FBLIM1: variants seen among roughly 807,000 people sequenced by gnomAD.
The protein encoded by FBLIM1 is filamin-binding LIM protein 1.
Under a neutral mutation model 37.4 loss-of-function variants are expected in FBLIM1, and 29 were observed. That is an observed-to-expected ratio of 0.77 (90% CI 0.58 to 1.06). The LOEUF (loss-of-function observed/expected upper bound fraction) is 1.06, where lower values mean the gene tolerates loss of function less well. Ranked by LOEUF, FBLIM1 falls within the 50% of genes least tolerant of loss-of-function variation. FBLIM1 has a pLI of 0.00. For missense variants in FBLIM1, 449 were observed against 505.6 expected (o/e 0.89, Z 1.07); for synonymous variants, 193 against 199.0 (o/e 0.97, Z 0.25).
rs572929314 is a variant in FBLIM1, at chr1:15,764,342, G to A, written c.-210-154G>A. Among the ~76,000 whole-genome samples, 36 of 152,314 alleles carry A rather than the reference G, an allele frequency of 2.4e-4. No homozygotes were observed. In the South Asian group the frequency reaches 6.2e-3, roughly 26 times the overall value. On this transcript the variant is annotated intron_variant, in intron 1 of 8. Coordinates refer to ENST00000375766, the MANE Select transcript of FBLIM1 (RefSeq NM_017556.4). ...GTGTTTATGAGTTAATGAGCATAAC[G>A]TGTGAGTGTTTATGAGTTAATGAGT... is the stretch of plus-strand genomic sequence containing the variant.
In FBLIM1 at chr1:15,764,608, A is replaced by C; in HGVS notation, c.-98A>C. 1 of 205,942 alleles carries C rather than the reference A, an allele frequency of 4.9e-6. No individual in the cohort carries two copies. Among genetic ancestry groups the C allele is most frequent in the Non-Finnish European group, 9.6e-6 (1 of 103,794 alleles). The allele number at this position is 205,942 out of a possible 1,614,324, so 12.8% of individuals were successfully genotyped here. On this transcript the variant is annotated 5_prime_UTR_variant, in exon 2 of 9. Transcript: ENST00000375766. ...AGGCGGGACTCCAGACTGGGAACGG[A>C]AGTCAGCCCTGCTGGGGCTGGGAGC...
intron 6 of FBLIM1, among the ~76,000 whole-genome samples, chr1:15,773,213 C>T (rs1188981182): frequency 6.6e-6 from 1 of 152,012 alleles, no homozygotes; most frequent in East Asian, 1.9e-4. Context: ...TGGAAAAACC[C>T]TGTCTCTACT....
Position 15,774,655 on chromosome 1 carries a change from T to C in FBLIM1, c.749T>C (p.Val250Ala), listed in dbSNP as rs1040559501. 1 of 1,613,716 alleles carries C rather than the reference T, an allele frequency of 6.2e-7. No homozygotes were observed. Among genetic ancestry groups the C allele is most frequent in the African/African-American group, 1.3e-5 (1 of 74,858 alleles). Residue 250 changes from valine (V) to alanine (A), a missense_variant, in exon 7 of 9, where the codon GTC (valine) becomes GCC (alanine). Transcript: ENST00000375766. Reference protein sequence around the residue: ...LERCGKCGEVVRDHIIRALGQ... With the variant: ...LERCGKCGEVARDHIIRALGQ... ...AGGTGCGGCAAGTGTGGCGAGGTGG[T>C]CCGGGACCACATCATCAGGGCCCTG...
chr1:15,776,916 A>G (rs1452226319), intron 7 of FBLIM1: 2 of 406,364 alleles, frequency 4.9e-6, no homozygotes, highest in East Asian at 3.7e-5. Context: ...AAAAAGACAG[A>G]TGAGATGGGT....
intron 2 of FBLIM1, 98 bp from the exon 3 acceptor site, chr1:15,764,866 G>C (rs967262490): frequency 3.1e-5 from 43 of 1,396,008 alleles, no homozygotes; most frequent in Non-Finnish European, 6.8e-6. Context: ...TAGGGTGGCT[G>C]GCCTGTCTTT....
At chr1:15,761,107 G>A (rs991069882) in intron 1 of FBLIM1, among the ~76,000 whole-genome samples, 1 of 152,148 alleles carries the variant, frequency 6.6e-6, no homozygotes, top group African/African-American at 2.4e-5. Context: ...CCGGAGGAGT[G>A]TAGGAAGGGT....
chr1:15,784,577 C>G lies in FBLIM1; in HGVS notation c.1038C>G (p.Pro346=). The change falls in exon 9 of 9, where the codon CCC becomes CCG. Residue 346 remains proline (P), a synonymous_variant. Coordinates refer to ENST00000375766, the MANE Select transcript of FBLIM1 (RefSeq NM_017556.4). ...EDCRILLSVE[P]TDQGCYPLNN... ...GCAGGATCCTCCTGTCTGTCGAGCC[C>G]ACGGACCAAGGCTGCTACCCCCTGA... is the stretch of plus-strand genomic sequence containing the variant. 6.2e-7 allele frequency: 1 copy of G among 1,614,068 alleles called. No homozygotes were observed. Among genetic ancestry groups the G allele is most frequent in the Non-Finnish European group, 8.5e-7 (1 of 1,179,934 alleles).
intron 5 of FBLIM1, among the ~76,000 whole-genome samples, chr1:15,768,850 A>G (rs1261507375): frequency 1.3e-5 from 2 of 152,202 alleles, no homozygotes; most frequent in African/African-American, 4.8e-5. Flanking sequence ...GCAGTTTGCT[A>G]TGATAGCAAA....
intron 6 of FBLIM1, among the ~76,000 whole-genome samples, chr1:15,771,452 G>A (rs1382517842): frequency 6.6e-6 from 1 of 151,548 alleles, no homozygotes; most frequent in Non-Finnish European, 1.5e-5. Flanking sequence ...TCACCACTTT[G>A]GCCAGGCTGG....
At position 15,774,774 on chromosome 1, in the gene FBLIM1, T is replaced by A; in HGVS notation, c.868T>A (p.Tyr290Asn). 1 of 1,614,120 alleles carries A rather than the reference T, an allele frequency of 6.2e-7. No individual in the cohort carries two copies. Residue 290 changes from tyrosine (Y) to asparagine (N), a missense_variant, in exon 7 of 9, where the codon TAC becomes AAC. Coordinates refer to ENST00000375766, the MANE Select transcript of FBLIM1 (RefSeq NM_017556.4). ...SFALGSQNEVYCLDDFYRKFA... is the reference protein window; with the variant it reads ...SFALGSQNEVNCLDDFYRKFA... The stretch of plus-strand genomic sequence containing the variant: ...TGCCCTGGGCAGCCAGAACGAGGTG[T>A]ACTGCCTGGACGACTTCTACAGGTA...
chr1:15,767,779 T>C (rs930834404), intron 4 of FBLIM1, among the ~76,000 whole-genome samples: 2 of 152,158 alleles, frequency 1.3e-5, no homozygotes, highest in Admixed American at 1.3e-4. Flanking sequence ...GGGATGCCAC[T>C]GCCTCGCTGC....
At chr1:15,767,269 C>A (rs970584747) in intron 3 of FBLIM1, 107 bp from the exon 4 acceptor site, 14 of 1,028,496 alleles carry the variant, frequency 1.4e-5, no homozygotes, top group Non-Finnish European at 1.9e-5. Flanking sequence ...CCGGGGTGAT[C>A]CCGACCGGGG....
In FBLIM1 at chr1:15,766,766, T is replaced by C. The variant is rs542961452; in HGVS notation, c.251-610T>C. Among the ~76,000 whole-genome samples, 111 of 152,026 alleles carry C rather than the reference T, an allele frequency of 7.3e-4. 1 individual carries two copies. Among genetic ancestry groups the C allele is most frequent in the Non-Finnish European group, 1.2e-3 (80 of 67,994 alleles). On this transcript the variant is annotated intron_variant, in intron 3 of 8. Transcript: ENST00000375766. Reference sequence around the variant, plus strand: ...TGCCCACCACGCCCAGCTAATTTTGTGTTTTTCGTAGAGATGGGGTTTCTC... The same window carrying C: ...TGCCCACCACGCCCAGCTAATTTTGCGTTTTTCGTAGAGATGGGGTTTCTC...
At position 15,767,559 on chromosome 1, in the gene FBLIM1, C is replaced by A; in HGVS notation, c.434C>A (p.Pro145Gln). 1 of 1,210,372 alleles carries A rather than the reference C, an allele frequency of 8.3e-7. No homozygotes were observed. The highest frequency in any genetic ancestry group is 1.1e-6 in the Non-Finnish European group (1 of 889,328). 75.0% of individuals were successfully genotyped at this position (1,210,372 alleles called of 1,614,324 possible). A position where few individuals can be genotyped will look rare whatever the true frequency, so the allele number is the denominator to read the frequency against. ...CACCTGTCCCCGCCCCCGCCCCCAC[C>A]ACAGGTACTGCCTGCCCCCCGACCC... The part of the protein sequence containing the change: ...QLHLSPPPPP[P>Q]QAPAEGPSVQ... The change falls in exon 4 of 9, where the codon CCA (proline) becomes CAA (glutamine). Residue 145 changes from proline to glutamine, a missense_variant. Pro to Gln is a moderately conservative substitution (Grantham distance 76, BLOSUM62 -1). Coordinates refer to ENST00000375766, the MANE Select transcript of FBLIM1 (RefSeq NM_017556.4).
intron 1 of FBLIM1, among the ~76,000 whole-genome samples, chr1:15,759,846 G>A (rs2068582140): frequency 6.6e-6 from 1 of 152,202 alleles, no homozygotes; most frequent in Admixed American, 6.5e-5. Context: ...TAAGTTGCAG[G>A]GTGGGAGGGG....
chr1:15,758,784 C>T (rs1569657246), upstream of FBLIM1: 1 of 151,586 alleles, frequency 6.6e-6, no homozygotes, highest in Middle Eastern at 3.4e-3. This position sits in a 1 kb window ranked among gnomAD's most constrained non-coding sequence, Gnocchi z 6.2. Context: ...GACGGGAGGC[C>T]CAGCGGCTCC....
rs1388604438 is a variant in FBLIM1, at chr1:15,765,655, C to T, written c.250+422C>T. 6.6e-6 allele frequency among the ~76,000 whole-genome samples: 1 copy of T among 152,114 alleles called. No homozygotes were observed. Among genetic ancestry groups the T allele is most frequent in the Non-Finnish European group, 1.5e-5 (1 of 68,028 alleles). ...CTTGGTCATGCGCCTGGTCTGACTG[C>T]AGGACACAAAGGCTGGCCCCGGGCC... On this transcript the variant is annotated intron_variant, in intron 3 of 8. Transcript: ENST00000375766. This position sits in a 1 kb window ranked among gnomAD's most constrained non-coding sequence, Gnocchi z 5.9.
At chr1:15,775,784 G>A (rs2069468897) in intron 7 of FBLIM1, among the ~76,000 whole-genome samples, 1 of 152,130 alleles carries the variant, frequency 6.6e-6, no homozygotes, top group African/African-American at 2.4e-5. Context: ...GAGGAAAAGG[G>A]TATGGTGGAA....
At position 15,765,998 on chromosome 1, in the gene FBLIM1, C is replaced by T. The variant is rs114285195; in HGVS notation, c.250+765C>T. Among the ~76,000 whole-genome samples, 5,599 of 152,312 alleles carry T rather than the reference C, an allele frequency of 0.037. 174 individuals carry two copies. Among genetic ancestry groups the T allele is most frequent in the Non-Finnish European group, 0.055 (3,750 of 68,034 alleles). ...CCGCTGAGTCAGCAGCAGCATCACCCGGGCCTGTACCAACACAGTCACTGG... is the reference window on the plus strand; with the variant it reads ...CCGCTGAGTCAGCAGCAGCATCACCTGGGCCTGTACCAACACAGTCACTGG... On this transcript the variant is annotated intron_variant, in intron 3 of 8. Coordinates refer to ENST00000375766, the MANE Select transcript of FBLIM1 (RefSeq NM_017556.4). The surrounding 1 kb of genome is among the most constrained non-coding windows in gnomAD (Gnocchi z 5.9).
Sources: allele counts gnomAD v4.1 joint callset (sites outside exome capture counted in the v4.1 genomes callset), GRCh38; gene constraint gnomAD v4.1.1; non-coding constraint Gnocchi (gnomAD v3.1); transcripts MANE v1.5; gene names NCBI Gene and HGNC (gene_info 2026-07-23, HGNC 2026-07-21).